HPSE2: variants seen among roughly 807,000 people sequenced by gnomAD.
The protein encoded by HPSE2 is inactive heparanase-2.
A neutral mutation model predicts 60.5 loss-of-function variants in HPSE2; 38 were observed. That is an observed-to-expected ratio of 0.63 (90% CI 0.48 to 0.82). HPSE2 has a LOEUF of 0.82. Ranked by LOEUF, HPSE2 falls within the 40% of genes least tolerant of loss-of-function variation. HPSE2 has a pLI of 0.00. For missense variants in HPSE2, 713 were observed against 740.4 expected (o/e 0.96, Z 0.43); for synonymous variants, 295 against 293.2 (o/e 1.01, Z -0.06).
intron 3 of HPSE2, among the ~76,000 whole-genome samples, chr10:99,014,246 A>C (rs1350388798): frequency 6.6e-6 from 1 of 152,212 alleles, no homozygotes; most frequent in East Asian, 1.9e-4. Flanking sequence ...TTTGCTAAGG[A>C]TAATGGCCTC....
chr10:98,690,951 C>T (rs904313102), intron 6 of HPSE2, among the ~76,000 whole-genome samples: 16 of 152,188 alleles, frequency 1.1e-4, no homozygotes, highest in Non-Finnish European at 4.4e-5. Flanking sequence ...GTTCAAGCTC[C>T]AAGCTCAACA....
chr10:99,009,447 G>A (rs1956964375), intron 3 of HPSE2, among the ~76,000 whole-genome samples: 1 of 151,782 alleles, frequency 6.6e-6, no homozygotes, highest in South Asian at 2.1e-4. Flanking sequence ...ACAAAAAGCA[G>A]GACTGAACAT....
chr10:99,225,395 A>G (rs1849439572), intron 2 of HPSE2, among the ~76,000 whole-genome samples: 1 of 152,076 alleles, frequency 6.6e-6, no homozygotes, highest in Non-Finnish European at 1.5e-5. Flanking sequence ...AGTGTCAAAC[A>G]GAGGCCTGAA....
chr10:98,704,380 C>T (rs1483277022), intron 5 of HPSE2, among the ~76,000 whole-genome samples: 1 of 151,454 alleles, frequency 6.6e-6, no homozygotes, highest in Non-Finnish European at 1.5e-5. Flanking sequence ...CTACCATTGA[C>T]ATTTTTCACA....
At chr10:99,248,111 T>C in the HPSE2 span, among the ~76,000 whole-genome samples, 1 of 152,212 alleles carries the variant, frequency 6.6e-6, no homozygotes, top group African/African-American at 2.4e-5. Context: ...TATAAAGATA[T>C]CTGAAAATGT....
chr10:98,925,112 T>C (rs1475391654), intron 3 of HPSE2, among the ~76,000 whole-genome samples: 1 of 152,228 alleles, frequency 6.6e-6, no homozygotes, highest in Non-Finnish European at 1.5e-5. Flanking sequence ...TGAGGTGGTG[T>C]CAGTGATTCT....
intron 3 of HPSE2, among the ~76,000 whole-genome samples, chr10:99,136,754 G>C (rs1190608108): frequency 6.6e-6 from 1 of 152,046 alleles, no homozygotes; most frequent in Non-Finnish European, 1.5e-5. Flanking sequence ...AATAATAAGA[G>C]CTACTTATGA....
chr10:98,574,449 AATTAAAAAT>A (rs1187162991), intron 9 of HPSE2, among the ~76,000 whole-genome samples: 1 of 152,206 alleles, frequency 6.6e-6, no homozygotes, highest in Non-Finnish European at 1.5e-5. Context: ...TTACTTCTGT[AATTAAAAAT>A]TAATTCAAAA....
chr10:98,599,114 G>T (rs1325350890), intron 9 of HPSE2, among the ~76,000 whole-genome samples: 3 of 152,212 alleles, frequency 2.0e-5, no homozygotes, highest in South Asian at 4.1e-4. Flanking sequence ...TGGAGCTTGG[G>T]GCCACAGAGA....
rs572652161 is a variant in HPSE2 at position 98,747,180 on chromosome 10, T to G, written c.611-3124A>C. On this transcript the variant is annotated intron_variant, in intron 3 of 11. Transcript: ENST00000370552. ...TATTATCATAAAAAATACTCAATAT[T>G]CAATTAAATAACATTTTATTCATCC... Among the ~76,000 whole-genome samples, 237 of 152,248 alleles carry G rather than the reference T, an allele frequency of 1.6e-3. 2 individuals carry two copies. The highest frequency in any genetic ancestry group is 5.3e-3 in the African/African-American group (221 of 41,570).
At chr10:99,094,905 GA>G (rs977193285) in intron 3 of HPSE2, among the ~76,000 whole-genome samples, 13 of 151,918 alleles carry the variant, frequency 8.6e-5, no homozygotes, top group African/African-American at 3.1e-4. Context: ...GAAAAGTTTG[GA>G]GCTGGTCACA....
chr10:98,468,369 C>T (rs1386327509), intron 11 of HPSE2, among the ~76,000 whole-genome samples: 1 of 150,834 alleles, frequency 6.6e-6, no homozygotes, highest in Non-Finnish European at 1.5e-5. Context: ...CTCTGGGGTG[C>T]TCCCACTCCT....
rs1464698180 is a variant in HPSE2, at chr10:98,938,181, C to A, written c.611-194125G>T. 1.4e-5 allele frequency among the ~76,000 whole-genome samples: 2 copies of A among 144,700 alleles called. 1 individual carries two copies. The highest frequency in any genetic ancestry group is 3.0e-5 in the Non-Finnish European group (2 of 67,354). The allele number at this position is 144,700 out of a possible 152,430, so 94.9% of individuals were successfully genotyped here. On this transcript the variant is annotated intron_variant, in intron 3 of 11. Coordinates refer to ENST00000370552, the MANE Select transcript of HPSE2 (RefSeq NM_021828.5). ...ACTGGAAATTCTAAAAAGCAGAGCACCTCTCCTCCTCCAAAGGAACGCAGT... is the reference window on the plus strand; with the variant it reads ...ACTGGAAATTCTAAAAAGCAGAGCAACTCTCCTCCTCCAAAGGAACGCAGT...
intron 9 of HPSE2, among the ~76,000 whole-genome samples, chr10:98,493,027 T>A (rs995106339): frequency 6.6e-6 from 1 of 152,116 alleles, no homozygotes; most frequent in African/African-American, 2.4e-5. Context: ...ACTTTCTGCC[T>A]CTGTGACTAT....
At chr10:99,084,129 T>C (rs2135580546) in intron 3 of HPSE2, among the ~76,000 whole-genome samples, 1 of 152,218 alleles carries the variant, frequency 6.6e-6, no homozygotes, top group South Asian at 2.1e-4. Context: ...TTGTTTGTCT[T>C]GTGCCCTTTG....
Position 98,915,151 on chromosome 10 carries a change from C to CT in HPSE2, c.611-171096dup, listed in dbSNP as rs1174583914. ...TTGTTCTACAGTTTTCTAAATTTTC[C>CT]TTTTTTTTTTTTTTGAGATGGAGTC... On this transcript the variant is annotated intron_variant, in intron 3 of 11. Transcript: ENST00000370552. 4.6e-3 allele frequency among the ~76,000 whole-genome samples: 646 copies of CT among 141,104 alleles called. 3 individuals are homozygous for CT. The highest frequency in any genetic ancestry group is 0.01 in the African/African-American group (401 of 38,676). The allele number at this position is 141,104 out of a possible 152,430, so 92.6% of individuals were successfully genotyped here.
intron 3 of HPSE2, among the ~76,000 whole-genome samples, chr10:98,877,134 C>T (rs539298691): frequency 9.9e-5 from 15 of 151,912 alleles, no homozygotes; most frequent in African/African-American, 2.2e-4. Flanking sequence ...GAGCGTCCTT[C>T]GTTCTATTAT....
chr10:98,707,791 C>G (rs1040064388), intron 5 of HPSE2, among the ~76,000 whole-genome samples: 3 of 151,962 alleles, frequency 2.0e-5, no homozygotes, highest in Non-Finnish European at 4.4e-5. Context: ...TAATGAAATT[C>G]GAATAAAAAG....
At chr10:98,750,271 C>T (rs72842319) in intron 3 of HPSE2, among the ~76,000 whole-genome samples, 2,287 of 152,134 alleles carry the variant, frequency 0.015, 31 homozygotes, top group African/African-American at 0.03. Flanking sequence ...GCTGGTGTAG[C>T]TGCCCCAGAA....
Sources: gnomAD v4.1 joint callset for allele counts (sites outside exome capture counted in the v4.1 genomes callset) on GRCh38, gnomAD v4.1.1 for gene constraint, MANE v1.5 for transcripts, NCBI Gene and HGNC (gene_info 2026-07-23, HGNC 2026-07-21) for gene names.